The following STK32C variants were observed in gnomAD, a reference collection of about 807,000 sequenced individuals.
STK32C encodes serine/threonine kinase 32C.
A neutral mutation model predicts 56.5 loss-of-function variants in STK32C; 31 were observed. The observed-to-expected ratio is 0.55, with a 90% CI of 0.41 to 0.74. The LOEUF is 0.74. Ranked by LOEUF, STK32C falls within the 30% of genes least tolerant of loss-of-function variation. STK32C has a pLI of 0.00. For missense variants in STK32C, 544 were observed against 676.9 expected (o/e 0.80, Z 2.18); for synonymous variants, 309 against 289.4 (o/e 1.07, Z -0.69).
At chr10:132,313,918 C>A (rs1325889985) in intron 1 of STK32C, among the ~76,000 whole-genome samples, 1 of 152,170 alleles carries the variant, frequency 6.6e-6, no homozygotes, top group Non-Finnish European at 1.5e-5. Flanking sequence ...TGAACTTTGG[C>A]CAATGGAAAA....
intron 1 of STK32C, among the ~76,000 whole-genome samples, chr10:132,298,949 T>A (rs1051937044): frequency 6.6e-6 from 1 of 152,260 alleles, no homozygotes; most frequent in Admixed American, 6.5e-5. Flanking sequence ...AAGATGGAGC[T>A]CACTGTGGGC....
intron 1 of STK32C, among the ~76,000 whole-genome samples, chr10:132,299,468 C>T (rs754845948): frequency 2.0e-5 from 3 of 152,046 alleles, no homozygotes; most frequent in Admixed American, 6.5e-5. Context: ...GGACGAGACC[C>T]AGCAGCATGG....
intron 10 of STK32C, among the ~76,000 whole-genome samples, chr10:132,216,667 G>T (rs568370847): frequency 9.2e-5 from 14 of 152,270 alleles, no homozygotes; most frequent in Non-Finnish European, 1.5e-4. Flanking sequence ...GCGAGGTCCA[G>T]GGTCCCTCTG....
intron 1 of STK32C, among the ~76,000 whole-genome samples, chr10:132,278,757 CAAAA>C (rs60685458): frequency 4.4e-5 from 4 of 90,406 alleles, no homozygotes; most frequent in Non-Finnish European, 6.5e-5. Flanking sequence ...GAGACTGTCT[CAAAA>C]AAAAAAAAAA....
intron 1 of STK32C, among the ~76,000 whole-genome samples, chr10:132,305,946 C>T (rs538840993): frequency 6.6e-5 from 10 of 152,184 alleles, no homozygotes; most frequent in Non-Finnish European, 1.0e-4. Context: ...CACCGTCAGC[C>T]GAATCTCTGC....
intron 4 of STK32C, among the ~76,000 whole-genome samples, chr10:132,226,154 G>C (rs971219332): frequency 6.6e-6 from 1 of 152,216 alleles, no homozygotes; most frequent in Non-Finnish European, 1.5e-5. Flanking sequence ...AACTTTTCCA[G>C]GTACACAGCC....
intron 1 of STK32C, among the ~76,000 whole-genome samples, chr10:132,267,406 T>C (rs540338014): frequency 2.0e-5 from 3 of 152,368 alleles, no homozygotes; most frequent in South Asian, 2.1e-4. Context: ...TGTGCATGTA[T>C]GTTTCTGGGG....
intron 1 of STK32C, among the ~76,000 whole-genome samples, chr10:132,298,641 G>T (rs926573502): frequency 1.3e-5 from 2 of 151,600 alleles, no homozygotes; most frequent in African/African-American, 2.4e-5. Flanking sequence ...CCGGGGAGTT[G>T]AGCGCCGTGT....
intron 1 of STK32C, among the ~76,000 whole-genome samples, chr10:132,290,902 A>G (rs529723688): frequency 6.6e-6 from 1 of 151,890 alleles, no homozygotes; most frequent in East Asian, 1.9e-4. Flanking sequence ...ACCCATCCAG[A>G]CCCACCACAC....
chr10:132,238,590 T>TGG (rs1337462505), intron 2 of STK32C, among the ~76,000 whole-genome samples: 2 of 152,044 alleles, frequency 1.3e-5, no homozygotes, highest in Non-Finnish European at 2.9e-5. Flanking sequence ...GCAGGGGATG[T>TGG]GGGCTCAAGC....
At chr10:132,221,844 A>G (rs1383564755) in intron 10 of STK32C, among the ~76,000 whole-genome samples, 14 of 108,484 alleles carry the variant, frequency 1.3e-4, no homozygotes, top group Non-Finnish European at 2.3e-4. Context: ...CACCTGGGTG[A>G]GTGTGAGGGC....
chr10:132,272,762 A>G (rs1411751669), intron 1 of STK32C, among the ~76,000 whole-genome samples: 1 of 152,138 alleles, frequency 6.6e-6, no homozygotes, highest in Non-Finnish European at 1.5e-5. Context: ...CAAACATGTC[A>G]AGCCCCGCTC....
At chr10:132,215,500 CAA>C (rs931276880) in intron 10 of STK32C, among the ~76,000 whole-genome samples, 4 of 151,692 alleles carry the variant, frequency 2.6e-5, no homozygotes, top group African/African-American at 7.3e-5. Context: ...GTTTTAAAAA[CAA>C]AAGTTTCCCT....
intron 2 of STK32C, among the ~76,000 whole-genome samples, chr10:132,233,286 G>A (rs2063161520): frequency 1.3e-5 from 2 of 152,124 alleles, no homozygotes; most frequent in Non-Finnish European, 2.9e-5. Flanking sequence ...CCGGGCTCCC[G>A]TGCACTCCAG....
At chr10:132,284,770 A>C (rs1244412102) in intron 1 of STK32C, among the ~76,000 whole-genome samples, 1 of 148,636 alleles carries the variant, frequency 6.7e-6, no homozygotes, top group African/African-American at 2.5e-5. Flanking sequence ...ACACATTCCC[A>C]CGTCTGCCCA....
chr10:132,277,135 G>A lies in STK32C; in HGVS notation c.262+30437C>T, dbSNP rs142619532. On this transcript the variant is annotated intron_variant, in intron 1 of 11. Transcript: ENST00000298630. ...CAAAAATAAGAGTCAGAAGAGCCGA[G>A]CAGGGCCAGCAGTCTGCCTTCCCAT... is the stretch of plus-strand genomic sequence containing the variant. Among the ~76,000 whole-genome samples the A allele has an allele frequency of 3.8e-3, 583 of 152,384 alleles. 5 individuals carry two copies. The highest frequency in any genetic ancestry group is 0.013 in the African/African-American group (559 of 41,594).
intron 1 of STK32C, among the ~76,000 whole-genome samples, chr10:132,248,353 C>G (rs75909345): frequency 0.012 from 1,772 of 152,320 alleles, 28 homozygotes; most frequent in African/African-American, 0.041. Context: ...CAGGACAGAC[C>G]TCGGAGTCTG....
At chr10:132,295,330 G>A (rs1254825909) in intron 1 of STK32C, among the ~76,000 whole-genome samples, 1 of 152,156 alleles carries the variant, frequency 6.6e-6, no homozygotes, top group Non-Finnish European at 1.5e-5. Flanking sequence ...GGAAACACAC[G>A]GGGTGAGCCT....
Position 132,225,633 on chromosome 10 carries a change from C to G in STK32C, c.683-17G>C, listed in dbSNP as rs371408061. 154 of 1,608,678 alleles carry G rather than the reference C, an allele frequency of 9.6e-5. No homozygotes were observed. The highest frequency in any genetic ancestry group is 3.2e-4 in the Admixed American group (19 of 59,874). ...GTGCATGTCCTGTGCAGAGAGGGGTCAGGTGTGGCTGTCCCAGGACCAGAG... is the reference window on the plus strand; with the variant it reads ...GTGCATGTCCTGTGCAGAGAGGGGTGAGGTGTGGCTGTCCCAGGACCAGAG... On this transcript the variant is annotated splice_polypyrimidine_tract_variant and intron_variant, in intron 5 of 11. Coordinates refer to ENST00000298630, the MANE Select transcript of STK32C (RefSeq NM_173575.4).
Sources: allele counts gnomAD v4.1 joint callset (sites outside exome capture counted in the v4.1 genomes callset), GRCh38; gene constraint gnomAD v4.1.1; transcripts MANE v1.5; gene names NCBI Gene and HGNC (gene_info 2026-07-23, HGNC 2026-07-21).